The following CALN1 variants were observed in gnomAD, a reference collection of about 807,000 sequenced individuals.
CALN1 encodes calcium-binding protein 8.
CALN1 carries 17 observed loss-of-function variants against 30.6 expected under a neutral mutation model. The observed-to-expected ratio is 0.56, with a 90% CI of 0.38 to 0.83. The LOEUF is 0.83. Among genes scored for constraint, CALN1 ranks in the 40% least tolerant of loss-of-function variants. CALN1 has a pLI of 0.00. For missense variants in CALN1, 291 were observed against 354.9 expected (o/e 0.82, Z 1.45); for synonymous variants, 156 against 131.4 (o/e 1.19, Z -1.28).
intron 2 of CALN1, among the ~76,000 whole-genome samples, chr7:72,380,215 C>A (rs1215686522): frequency 1.3e-5 from 2 of 152,100 alleles, no homozygotes; most frequent in African/African-American, 4.8e-5. Flanking sequence ...TCAAGCCCCA[C>A]AAATCAGCAA....
At chr7:71,944,509 G>A (rs1375168330) in intron 5 of CALN1, among the ~76,000 whole-genome samples, 21 of 139,176 alleles carry the variant, frequency 1.5e-4, no homozygotes, top group Admixed American at 4.1e-4. Context: ...CAGGAGAATC[G>A]CTTGAACCTG....
At chr7:72,396,074 G>A (rs768661650) in intron 2 of CALN1, among the ~76,000 whole-genome samples, 1 of 151,644 alleles carries the variant, frequency 6.6e-6, no homozygotes, top group Non-Finnish European at 1.5e-5. Flanking sequence ...ACTGATGGGA[G>A]CAGAGGCTAC....
At chr7:71,801,472 C>CTATCTATCTATCT (rs1554340287) in intron 6 of CALN1, among the ~76,000 whole-genome samples, 2 of 151,282 alleles carry the variant, frequency 1.3e-5, no homozygotes, top group Non-Finnish European at 2.9e-5. Context: ...ATCTATCTAT[C>CTATCTATCTATCT]GAGACAGGGT....
Position 72,404,554 on chromosome 7 carries a change from C to T in CALN1, c.-73-1112G>A, listed in dbSNP as rs548933026. Among the ~76,000 whole-genome samples the T allele has an allele frequency of 1.2e-4, 18 of 152,234 alleles. No individual in the cohort carries two copies. In the South Asian group the frequency reaches 3.5e-3, roughly 30 times the overall value. On this transcript the variant is annotated intron_variant, in intron 1 of 6. Transcript: ENST00000395275. ...TCTGAGAGAGTTGTACCCATAAGAACGTCTACACATTGCAGCAGGCAATGG... is the reference window on the plus strand; with the variant it reads ...TCTGAGAGAGTTGTACCCATAAGAATGTCTACACATTGCAGCAGGCAATGG...
intron 4 of CALN1, among the ~76,000 whole-genome samples, chr7:72,039,358 C>G (rs12537280): frequency 0.075 from 11,448 of 152,154 alleles, 611 homozygotes; most frequent in East Asian, 0.17. Flanking sequence ...ACACTTTGCT[C>G]TTTCTCACAA....
At chr7:71,830,201 G>A (rs1789183611) in intron 5 of CALN1, among the ~76,000 whole-genome samples, 1 of 151,690 alleles carries the variant, frequency 6.6e-6, no homozygotes, top group African/African-American at 2.4e-5. Context: ...GCGCCACCAC[G>A]GCTGGCTAAT....
chr7:72,273,152 G>A (rs1020505129), intron 3 of CALN1, among the ~76,000 whole-genome samples: 1 of 152,004 alleles, frequency 6.6e-6, no homozygotes, highest in Non-Finnish European at 1.5e-5. Context: ...AAAAGGCTTA[G>A]GCCAGGCACG....
intron 3 of CALN1, among the ~76,000 whole-genome samples, chr7:72,140,885 C>T (rs11981172): frequency 0.026 from 3,964 of 152,316 alleles, 184 homozygotes; most frequent in African/African-American, 0.09. Context: ...CAGCCCAGGG[C>T]GCTGGGGCCT....
intron 5 of CALN1, among the ~76,000 whole-genome samples, chr7:71,843,871 C>T (rs1790084748): frequency 6.6e-6 from 1 of 152,124 alleles, no homozygotes; most frequent in African/African-American, 2.4e-5. Flanking sequence ...GAAATCTGCA[C>T]ACAGATGGCG....
At chr7:72,455,329 G>A in the CALN1 span, among the ~76,000 whole-genome samples, 54 of 124,210 alleles carry the variant, frequency 4.3e-4, no homozygotes, top group African/African-American at 1.4e-3. Context: ...ATATGTGTGT[G>A]TGTGTGTGTG....
intron 2 of CALN1, among the ~76,000 whole-genome samples, chr7:72,336,409 G>T (rs530386746): frequency 6.6e-6 from 1 of 152,090 alleles, no homozygotes; most frequent in Non-Finnish European, 1.5e-5. Flanking sequence ...GCACGGTGCC[G>T]GGACAGCCGA....
chr7:71,966,907 C>T (rs1797556911), intron 5 of CALN1, among the ~76,000 whole-genome samples: 1 of 152,194 alleles, frequency 6.6e-6, no homozygotes, highest in Non-Finnish European at 1.5e-5. Flanking sequence ...TTTCTCTAGA[C>T]ACTCTAAAAT....
intron 5 of CALN1, among the ~76,000 whole-genome samples, chr7:71,907,239 A>AACACACACAC (rs71531773): frequency 0.052 from 7,633 of 147,770 alleles, 456 homozygotes; most frequent in East Asian, 0.35. Context: ...ATGAGGTTTA[A>AACACACACAC]ACACACACAC....
intron 6 of CALN1, among the ~76,000 whole-genome samples, chr7:71,798,989 T>C (rs1456821946): frequency 6.6e-6 from 1 of 152,100 alleles, no homozygotes; most frequent in African/African-American, 2.4e-5. Context: ...GGTATGAATG[T>C]GTCAACAGCA....
At chr7:71,943,634 G>A (rs1018249382) in intron 5 of CALN1, among the ~76,000 whole-genome samples, 1 of 151,918 alleles carries the variant, frequency 6.6e-6, no homozygotes, top group Non-Finnish European at 1.5e-5. Flanking sequence ...AGAGATGGGG[G>A]CTTCACCATG....
At chr7:71,963,653 CA>C in intron 5 of CALN1, among the ~76,000 whole-genome samples, 1 of 152,142 alleles carries the variant, frequency 6.6e-6, no homozygotes, top group East Asian at 1.9e-4. Context: ...CCTTGGTCCC[CA>C]AATTCCACTT....
chr7:72,253,789 G>A (rs904569294), intron 3 of CALN1, among the ~76,000 whole-genome samples: 7 of 152,158 alleles, frequency 4.6e-5, no homozygotes, highest in Admixed American at 1.3e-4. Context: ...TGCCCAGGCT[G>A]GAGTGCAGTA....
intron 2 of CALN1, among the ~76,000 whole-genome samples, chr7:72,281,626 C>G (rs1230974655): frequency 1.3e-5 from 2 of 152,246 alleles, no homozygotes; most frequent in African/African-American, 4.8e-5. Context: ...AAGACACCTG[C>G]TCTGTTCTTA....
rs548681263 is a variant in CALN1 at position 72,313,099 on chromosome 7, T to C, written c.120-34289A>G. Reference sequence around the variant, plus strand: ...ATCCGCCCACCTCGGCCTCCCAAAGTGCTGGGATTACAGGTATGAGCCACT... The same window carrying C: ...ATCCGCCCACCTCGGCCTCCCAAAGCGCTGGGATTACAGGTATGAGCCACT... On this transcript the variant is annotated intron_variant, in intron 2 of 6. Coordinates refer to ENST00000395275, the MANE Select transcript of CALN1 (RefSeq NM_031468.4). Among the ~76,000 whole-genome samples the C allele has an allele frequency of 1.7e-4, 26 of 152,194 alleles. No homozygotes were observed. The South Asian group carries it at 1.9e-3, about 11-fold the overall frequency.
Sources: gnomAD v4.1 joint callset for allele counts (sites outside exome capture counted in the v4.1 genomes callset) on GRCh38, gnomAD v4.1.1 for gene constraint, MANE v1.5 for transcripts, NCBI Gene and HGNC (gene_info 2026-07-23, HGNC 2026-07-21) for gene names.